Variants in GUCY1A2 observed in about 807,000 individuals in gnomAD.
GUCY1A2 encodes the protein guanylate cyclase soluble subunit alpha-2.
GUCY1A2 carries 27 observed loss-of-function variants against 63.5 expected under a neutral mutation model. The ratio of observed to expected loss-of-function variants is 0.43; its 90% CI spans 0.31 to 0.59. The LOEUF is 0.59. GUCY1A2 is among the 20% of genes least tolerant of loss of function. The probability of loss-of-function intolerance (pLI) is 0.11; values close to 1 mark genes in which losing one functional copy is unlikely to be tolerated. For synonymous variants in GUCY1A2, 364 were observed against 343.5 expected, an observed-to-expected ratio of 1.06 and a Z score of -0.66; for missense variants, 768 against 913.3, an observed-to-expected ratio of 0.84 and a Z score of 2.05.
chr11:106,795,805 T>C (rs1461303266), intron 5 of GUCY1A2, among the ~76,000 whole-genome samples: 1 of 152,160 alleles, frequency 6.6e-6, no homozygotes, highest in Non-Finnish European at 1.5e-5. Flanking sequence ...GGCAGCAGCA[T>C]TGATTTGCAG....
chr11:106,918,572 T>TAC (rs919108915), intron 4 of GUCY1A2, among the ~76,000 whole-genome samples: 2 of 145,052 alleles, frequency 1.4e-5, no homozygotes, highest in African/African-American at 2.5e-5. Context: ...ACATAGACAT[T>TAC]ACACACACAG....
intron 6 of GUCY1A2, among the ~76,000 whole-genome samples, chr11:106,747,559 A>C (rs539659372): frequency 2.0e-5 from 3 of 152,356 alleles, no homozygotes; most frequent in South Asian, 2.1e-4. Context: ...CAGTTGTAGA[A>C]CACATCCAGC....
intron 4 of GUCY1A2, among the ~76,000 whole-genome samples, chr11:106,880,376 C>CTGCATGTT (rs1248140728): frequency 6.6e-6 from 1 of 152,040 alleles, no homozygotes; most frequent in East Asian, 1.9e-4. Context: ...TAAGTGAAGA[C>CTGCATGTT]TGCATGTTTT....
rs185593261 is a variant in GUCY1A2 at position 106,745,806 on chromosome 11, A to G, written c.1836+30633T>C. Among the ~76,000 whole-genome samples, 459 of 152,314 alleles carry G rather than the reference A, an allele frequency of 3.0e-3. 5 individuals carry two copies. Among genetic ancestry groups the G allele is most frequent in the African/African-American group, 0.011 (440 of 41,578 alleles). ...ATCTTTTGCCATGAATTCTTCAAAC[A>G]TTTCTTAAATCCTACTATAGTTCTG... On this transcript the variant is annotated intron_variant, in intron 6 of 7. Transcript: ENST00000526355.
chr11:106,925,999 C>T (rs1405494775), intron 4 of GUCY1A2, among the ~76,000 whole-genome samples: 3 of 152,268 alleles, frequency 2.0e-5, no homozygotes, highest in Middle Eastern at 3.4e-3. Context: ...GCCCTCTCAC[C>T]TATGATAGTA....
chr11:106,876,317 T>G (rs1036100937), intron 4 of GUCY1A2, among the ~76,000 whole-genome samples: 4 of 151,978 alleles, frequency 2.6e-5, no homozygotes, highest in African/African-American at 9.7e-5. Flanking sequence ...AACCACTGAC[T>G]GACAAGGTAT....
In GUCY1A2 at chr11:106,742,835, T is replaced by G. The variant is rs558495119; in HGVS notation, c.1836+33604A>C. On this transcript the variant is annotated intron_variant, in intron 6 of 7. Coordinates refer to ENST00000526355, the MANE Select transcript of GUCY1A2 (RefSeq NM_000855.3). ...GTAAACGCTTTCAAATGGATGAATT[T>G]TCAATGAGTAAACAGATACTACTTT... Among the ~76,000 whole-genome samples, 6 of 152,304 alleles carry G rather than the reference T, an allele frequency of 3.9e-5. No homozygotes were observed. The South Asian group carries it at 1.2e-3, about 32-fold the overall frequency.
At chr11:106,855,903 TTA>T (rs879372039) in intron 4 of GUCY1A2, among the ~76,000 whole-genome samples, 14,010 of 118,590 alleles carry the variant, frequency 0.12, 789 homozygotes, top group Middle Eastern at 0.16. Flanking sequence ...TTTTATTTAT[TTA>T]TTTATTTATT....
intron 4 of GUCY1A2, among the ~76,000 whole-genome samples, chr11:106,855,549 C>G (rs1272617148): frequency 6.6e-6 from 1 of 151,762 alleles, no homozygotes; most frequent in East Asian, 1.9e-4. Flanking sequence ...AGGTCTACAA[C>G]CCATTTTGAG....
At chr11:106,844,454 C>T (rs1327451510) in intron 4 of GUCY1A2, among the ~76,000 whole-genome samples, 2 of 151,756 alleles carry the variant, frequency 1.3e-5, no homozygotes, top group Non-Finnish European at 2.9e-5. Flanking sequence ...CAATTTGGCT[C>T]TTCTCCGTGG....
At chr11:106,764,418 C>T (rs756916759) in intron 6 of GUCY1A2, among the ~76,000 whole-genome samples, 44 of 151,992 alleles carry the variant, frequency 2.9e-4, no homozygotes, top group Non-Finnish European at 4.7e-4. Flanking sequence ...ATTCCAATTC[C>T]GAATCAATTC....
At chr11:106,933,290 T>C (rs974712735) in intron 4 of GUCY1A2, among the ~76,000 whole-genome samples, 1 of 151,908 alleles carries the variant, frequency 6.6e-6, no homozygotes, top group Non-Finnish European at 1.5e-5. Flanking sequence ...GCAAAATACA[T>C]GAACAGACAT....
At chr11:106,952,982 C>A (rs1860931195) in intron 3 of GUCY1A2, among the ~76,000 whole-genome samples, 1 of 152,138 alleles carries the variant, frequency 6.6e-6, no homozygotes, top group South Asian at 2.1e-4. Context: ...CAAACAGAGA[C>A]AACTTGACTT....
At chr11:106,912,632 A>G (rs927454828) in intron 4 of GUCY1A2, among the ~76,000 whole-genome samples, 2 of 152,112 alleles carry the variant, frequency 1.3e-5, no homozygotes, top group African/African-American at 4.8e-5. Flanking sequence ...ATCATTATGA[A>G]GGCTTGAGAA....
chr11:106,893,429 TTC>T (rs1591316803), intron 4 of GUCY1A2, among the ~76,000 whole-genome samples: 1 of 149,718 alleles, frequency 6.7e-6, no homozygotes, highest in East Asian at 2.0e-4. Context: ...ATCCAATAAA[TTC>T]TGTTTGTTTC....
rs72987320 is a variant in GUCY1A2, at chr11:106,694,653, A to C, written c.1992-6897T>G. ...ACACGTTAGTCTAACATCTAACTTC[A>C]TAATCATGGGAATGCATATTTAGGC... On this transcript the variant is annotated intron_variant, in intron 7 of 7. Coordinates refer to ENST00000526355, the MANE Select transcript of GUCY1A2 (RefSeq NM_000855.3). Among the ~76,000 whole-genome samples the C allele has an allele frequency of 8.1e-3, 1,232 of 152,320 alleles. 10 individuals carry two copies. The highest frequency in any genetic ancestry group is 0.012 in the Non-Finnish European group (803 of 68,022).
intron 4 of GUCY1A2, among the ~76,000 whole-genome samples, chr11:106,938,840 A>T (rs1860713289): frequency 6.6e-6 from 1 of 152,184 alleles, no homozygotes; most frequent in Non-Finnish European, 1.5e-5. Context: ...GATTCAAAGA[A>T]ATCCACAAAA....
intron 7 of GUCY1A2, among the ~76,000 whole-genome samples, chr11:106,705,839 G>A (rs78903450): frequency 2.6e-5 from 4 of 152,126 alleles, no homozygotes; most frequent in East Asian, 1.9e-4. Flanking sequence ...CATCCTGGGC[G>A]ACAGAGTAAG....
At chr11:106,979,454 C>CAAA (rs368315276) in intron 2 of GUCY1A2, among the ~76,000 whole-genome samples, 113 of 57,718 alleles carry the variant, frequency 2.0e-3, no homozygotes, top group East Asian at 6.4e-3. Flanking sequence ...GACTCCGTCT[C>CAAA]AAAAAAAAAA....
Sources: allele counts gnomAD v4.1 joint callset (sites outside exome capture counted in the v4.1 genomes callset), GRCh38; gene constraint gnomAD v4.1.1; transcripts MANE v1.5; gene names NCBI Gene and HGNC (gene_info 2026-07-23, HGNC 2026-07-21).